The following TACC2 variants were observed in gnomAD, a reference collection of about 807,000 sequenced individuals.
The protein encoded by TACC2 is transforming acidic coiled-coil-containing protein 2.
Under a neutral mutation model 227.3 loss-of-function variants are expected in TACC2, and 137 were observed. That is an observed-to-expected ratio of 0.60 (90% CI 0.52 to 0.69). TACC2 has a LOEUF of 0.69. Among genes scored for constraint, TACC2 ranks in the 30% least tolerant of loss-of-function variants. The pLI is 0.00. For missense variants in TACC2, 3,470 were observed against 3,694.4 expected, an observed-to-expected ratio of 0.94 and a Z score of 1.57; for synonymous variants, 1,523 against 1,487.5, an observed-to-expected ratio of 1.02 and a Z score of -0.55.
At chr10:122,230,470 C>T in intron 16 of TACC2, 30 bp downstream of exon 16, 3 of 1,596,604 alleles carry the variant, frequency 1.9e-6, no homozygotes. Flanking sequence ...TGCGCCACCT[C>T]CTGAGAATGT....
In TACC2 at chr10:122,202,019, T is replaced by C. The variant is rs561906404; in HGVS notation, c.5971+6843T>C. The stretch of plus-strand genomic sequence containing the variant: ...TTCATGCTGTCTTCTTTAGCTTTTT[T>C]TTTTTTTTTTTTTTAATTCATAATC... On this transcript the variant is annotated intron_variant, in intron 8 of 22. Transcript: ENST00000369005. Among the ~76,000 whole-genome samples the C allele has an allele frequency of 3.9e-3, 584 of 151,624 alleles. 3 individuals carry two copies. Among genetic ancestry groups the C allele is most frequent in the African/African-American group, 0.013 (550 of 41,416 alleles).
chr10:122,093,072 G>A (rs1390948786), intron 5 of TACC2, among the ~76,000 whole-genome samples: 3 of 150,966 alleles, frequency 2.0e-5, no homozygotes, highest in Non-Finnish European at 4.4e-5. Flanking sequence ...GTGTTTAAAA[G>A]GAGTCGTTCT....
intron 2 of TACC2, among the ~76,000 whole-genome samples, chr10:122,047,306 A>G (rs1364582529): frequency 6.6e-6 from 1 of 151,692 alleles, no homozygotes; most frequent in Non-Finnish European, 1.5e-5. Context: ...AAAAAAAAAA[A>G]AAAAAAAAAG....
intron 9 of TACC2, 113 bp downstream of exon 9, chr10:122,211,821 T>C: frequency 1.1e-6 from 1 of 874,552 alleles, no homozygotes; most frequent in Non-Finnish European, 1.7e-6. Context: ...CCCTGGGTGC[T>C]GTGATGATGC....
intron 5 of TACC2, among the ~76,000 whole-genome samples, chr10:122,114,657 A>C (rs2084314156): frequency 6.6e-6 from 1 of 152,218 alleles, no homozygotes. Context: ...CAAATGCCAC[A>C]GCAACTCAGC....
At chr10:122,217,976 A>C (rs2095445071) in intron 11 of TACC2, among the ~76,000 whole-genome samples, 1 of 150,948 alleles carries the variant, frequency 6.6e-6, no homozygotes, top group Admixed American at 6.6e-5. Context: ...ATGGAGTCTC[A>C]CTCTGTCGCC....
chr10:122,216,923 T>C, intron 11 of TACC2, 95 bp downstream of exon 11: 1 of 1,602,872 alleles, frequency 6.2e-7, no homozygotes, highest in Non-Finnish European at 8.5e-7. Flanking sequence ...CTCAGCCAGG[T>C]AACCACGTGA....
chr10:122,222,836 C>T (rs2095547097), intron 11 of TACC2, among the ~76,000 whole-genome samples: 2 of 152,200 alleles, frequency 1.3e-5, no homozygotes. Context: ...ATTTCTGTTA[C>T]ATCATTTAGG....
chr10:122,145,433 A>G (rs910617713), intron 7 of TACC2, among the ~76,000 whole-genome samples: 1 of 152,184 alleles, frequency 6.6e-6, no homozygotes, highest in African/African-American at 2.4e-5. Flanking sequence ...TACATTCTAC[A>G]TGATTCAGTC....
chr10:122,122,445 A>G (rs1423017196), intron 5 of TACC2, among the ~76,000 whole-genome samples: 2 of 152,174 alleles, frequency 1.3e-5, no homozygotes, highest in East Asian at 1.9e-4. Flanking sequence ...AAGCTCTAAG[A>G]TACCATACAC....
chr10:122,013,549 G>A (rs1311157290), intron 1 of TACC2, among the ~76,000 whole-genome samples: 1 of 152,188 alleles, frequency 6.6e-6, no homozygotes, highest in Non-Finnish European at 1.5e-5. Context: ...GGCTATCTGT[G>A]AATAGCAATG....
At chr10:122,153,667 C>A (rs1565449191) in intron 7 of TACC2, among the ~76,000 whole-genome samples, 1 of 152,204 alleles carries the variant, frequency 6.6e-6, no homozygotes, top group Non-Finnish European at 1.5e-5. Flanking sequence ...TTGCTGTATG[C>A]CTTGCACTGC....
Position 122,249,612 on chromosome 10 carries a change from T to C in TACC2, c.8729T>C (p.Leu2910Pro). 1 of 1,613,890 alleles carries C rather than the reference T, an allele frequency of 6.2e-7. No homozygotes were observed. The highest frequency in any genetic ancestry group is 8.5e-7 in the Non-Finnish European group (1 of 1,179,946). The stretch of plus-strand genomic sequence containing the variant: ...GAGCAAGCCGCCCACCAGGCCAGCC[T>C]GCGGAAGGAGCAGCTGCGAGTGGAC... ...QQEQAAHQAS[L>P]RKEQLRVDAL... Residue 2910 changes from leucine to proline, a missense_variant, in exon 22 of 23, where the codon CTG becomes CCG. Leu to Pro is a moderately conservative substitution (Grantham distance 98). Transcript: ENST00000369005.
rs538199872 is a variant in TACC2 at position 122,155,877 on chromosome 10, G to A, written c.5834+12171G>A. 9.1e-3 allele frequency among the ~76,000 whole-genome samples: 1,135 copies of A among 124,438 alleles called. 6 individuals are homozygous for A. Among genetic ancestry groups the A allele is most frequent in the Middle Eastern group, 0.015 (2 of 136 alleles). The allele number at this position is 124,438 out of a possible 152,430, so 81.6% of individuals were successfully genotyped here. ...TTTTGAGACTGAGTCTCACTCTGTC[G>A]CCCAGGCTGGAGTGCAGTGGCGCAA... is the stretch of plus-strand genomic sequence containing the variant. On this transcript the variant is annotated intron_variant, in intron 7 of 22. Transcript: ENST00000369005.
intron 5 of TACC2, among the ~76,000 whole-genome samples, chr10:122,119,882 G>A (rs1267182131): frequency 6.6e-6 from 1 of 151,308 alleles, no homozygotes; most frequent in African/African-American, 2.4e-5. Flanking sequence ...TCGCGCTGCT[G>A]TACTCTGGCC....
At position 122,086,432 on chromosome 10, in the gene TACC2, G is replaced by A. The variant is rs1290174956; in HGVS notation, c.3932G>A (p.Ser1311Asn). 1.9e-6 allele frequency: 3 copies of A among 1,613,746 alleles called. No individual in the cohort carries two copies. Among genetic ancestry groups the A allele is most frequent in the Non-Finnish European group, 2.5e-6 (3 of 1,180,042 alleles). The change falls in exon 4 of 23, where the codon AGT becomes AAT. Residue 1311 changes from serine to asparagine, a missense_variant. By Grantham distance (46) the Ser-to-Asn change is conservative. Coordinates refer to ENST00000369005, the MANE Select transcript of TACC2 (RefSeq NM_206862.4). ...GAAATCCCTGCAGTGCAAGCCAGCA[G>A]TGGTAGTCCCAAAGCCAGAACCACT... ...GGEIPAVQAS[S>N]GSPKARTTEG...
rs558150844 is a variant in TACC2, at chr10:122,014,995, G to T, written c.-45-6942G>T. Among the ~76,000 whole-genome samples the T allele has an allele frequency of 2.3e-4, 35 of 152,174 alleles. No homozygotes were observed. The South Asian group carries it at 2.9e-3, about 13-fold the overall frequency. On this transcript the variant is annotated intron_variant, in intron 1 of 22. Transcript: ENST00000369005. ...TCTTTGCAAAAATCTTCTCAAGGTG[G>T]TAGTGTCATATTGTTCATTGAATGC...
intron 3 of TACC2, among the ~76,000 whole-genome samples, chr10:122,077,341 G>A (rs1270006448): frequency 6.6e-6 from 1 of 152,066 alleles, no homozygotes; most frequent in Non-Finnish European, 1.5e-5. Context: ...CTAGGACCTG[G>A]CCTCCATTAC....
chr10:122,027,067 C>T (rs971369114), intron 2 of TACC2, among the ~76,000 whole-genome samples: 10 of 152,152 alleles, frequency 6.6e-5, no homozygotes, highest in African/African-American at 2.2e-4. Context: ...TACCATTTTG[C>T]GTCCCTACCA....
Sources: gnomAD v4.1 joint callset for allele counts (sites outside exome capture counted in the v4.1 genomes callset) on GRCh38, gnomAD v4.1.1 for gene constraint, MANE v1.5 for transcripts, NCBI Gene and HGNC (gene_info 2026-07-23, HGNC 2026-07-21) for gene names.